WDFY2: variants seen among roughly 807,000 people sequenced by gnomAD.
WDFY2 encodes WD repeat and FYVE domain-containing protein 2.
A neutral mutation model predicts 56.4 loss-of-function variants in WDFY2; 36 were observed. The observed-to-expected ratio is 0.64, with a 90% confidence interval of 0.49 to 0.84. The LOEUF is 0.84. Ranked by LOEUF, WDFY2 falls within the 40% of genes least tolerant of loss-of-function variation. WDFY2 has a pLI of 0.00. For missense variants in WDFY2, 444 were observed against 512.2 expected (o/e 0.87, Z 1.29); for synonymous variants, 176 against 183.7 (o/e 0.96, Z 0.34).
chr13:51,628,119 C>T (rs920936284), intron 1 of WDFY2, among the ~76,000 whole-genome samples: 3 of 152,218 alleles, frequency 2.0e-5, no homozygotes, highest in African/African-American at 7.2e-5. Context: ...GCCCAGGAAC[C>T]TGTCTGCGTC....
chr13:51,652,101 A>G (rs992331475), intron 1 of WDFY2, among the ~76,000 whole-genome samples: 11 of 152,188 alleles, frequency 7.2e-5, no homozygotes, highest in African/African-American at 2.7e-4. Flanking sequence ...TATTGGGTGC[A>G]TATATATTTA....
At chr13:51,637,544 A>G (rs1434102595) in intron 1 of WDFY2, among the ~76,000 whole-genome samples, 2 of 152,084 alleles carry the variant, frequency 1.3e-5, no homozygotes, top group African/African-American at 4.8e-5. Flanking sequence ...GTGTTACAGG[A>G]AAGAGGTCCC....
At chr13:51,691,122 AAAATTTTCT>A (rs1956147224) in intron 3 of WDFY2, among the ~76,000 whole-genome samples, 2 of 152,002 alleles carry the variant, frequency 1.3e-5, no homozygotes, top group Admixed American at 1.3e-4. Context: ...GTAGGTTGCG[AAAATTTTCT>A]CCCATTTTGT....
intron 2 of WDFY2, among the ~76,000 whole-genome samples, chr13:51,667,291 C>G (rs906234911): frequency 1.2e-4 from 18 of 152,050 alleles, no homozygotes; most frequent in Admixed American, 1.0e-3. Context: ...AGGTAACAGA[C>G]AAGTTAAAAT....
At chr13:51,601,314 G>A (rs1445179483) in intron 1 of WDFY2, among the ~76,000 whole-genome samples, 5 of 151,964 alleles carry the variant, frequency 3.3e-5, no homozygotes, top group Admixed American at 1.3e-4. Context: ...TTAATACTAG[G>A]TTACTCTTTC....
intron 10 of WDFY2, chr13:51,756,737 TTC>T: frequency 1.4e-6 from 1 of 712,516 alleles, no homozygotes; most frequent in Non-Finnish European, 1.7e-6. Flanking sequence ...GAACAAACCC[TTC>T]TGTCTGCTCA....
chr13:51,706,277 G>A (rs1312733935), intron 4 of WDFY2, among the ~76,000 whole-genome samples: 1 of 152,136 alleles, frequency 6.6e-6, no homozygotes, highest in African/African-American at 2.4e-5. Flanking sequence ...AAATTTCTAT[G>A]AGCCAGAACC....
At chr13:51,673,615 C>G (rs936405110) in intron 2 of WDFY2, among the ~76,000 whole-genome samples, 1 of 151,920 alleles carries the variant, frequency 6.6e-6, no homozygotes, top group African/African-American at 2.4e-5. Flanking sequence ...TTTTTTTCAG[C>G]TAACAATTTT....
intron 1 of WDFY2, among the ~76,000 whole-genome samples, chr13:51,629,904 G>A (rs939122448): frequency 1.4e-5 from 2 of 147,270 alleles, no homozygotes; most frequent in African/African-American, 5.0e-5. Flanking sequence ...TGAAGCAGGA[G>A]GTATGAAACC....
At chr13:51,645,466 C>T (rs1408324784) in intron 1 of WDFY2, among the ~76,000 whole-genome samples, 4 of 152,102 alleles carry the variant, frequency 2.6e-5, no homozygotes, top group Non-Finnish European at 5.9e-5. Flanking sequence ...CATGGGTAGA[C>T]GCCCCGTCTT....
chr13:51,642,772 C>T (rs1955193690), intron 1 of WDFY2, among the ~76,000 whole-genome samples: 1 of 151,450 alleles, frequency 6.6e-6, no homozygotes, highest in Non-Finnish European at 1.5e-5. Context: ...CCTCCACCTC[C>T]CAGGTTCAAG....
intron 7 of WDFY2, among the ~76,000 whole-genome samples, chr13:51,750,440 A>G (rs995895838): frequency 1.3e-5 from 2 of 151,888 alleles, no homozygotes; most frequent in African/African-American, 2.4e-5. Context: ...ATAAATAGAA[A>G]CACAAAAAAA....
chr13:51,646,393 T>C lies in WDFY2; in HGVS notation c.138-14203T>C, dbSNP rs142410614. 6.2e-3 allele frequency among the ~76,000 whole-genome samples: 945 copies of C among 152,362 alleles called. 10 individuals carry two copies. Among genetic ancestry groups the C allele is most frequent in the African/African-American group, 0.019 (780 of 41,594 alleles). ...CACCATTATTTCTGAGAAGCTTTGT[T>C]TAACCCTGCCTGAGCCCGGGCTCTG... On this transcript the variant is annotated intron_variant, in intron 1 of 11. Transcript: ENST00000298125.
rs1011908318 is a variant in WDFY2 at position 51,663,023 on chromosome 13, G to A, written c.205+2360G>A. 4.6e-5 allele frequency among the ~76,000 whole-genome samples: 7 copies of A among 152,136 alleles called. No homozygotes were observed. The East Asian group carries it at 5.8e-4, about 13-fold the overall frequency. On this transcript the variant is annotated intron_variant, in intron 2 of 11. Coordinates refer to ENST00000298125, the MANE Select transcript of WDFY2 (RefSeq NM_052950.4). Reference sequence around the variant, plus strand: ...AACAAAATCCCTAGATAGGCTGGGCGGGTTAGATCATGTCTGTAATCCCAG... The same window carrying A: ...AACAAAATCCCTAGATAGGCTGGGCAGGTTAGATCATGTCTGTAATCCCAG...
chr13:51,720,523 A>G (rs1952463576), intron 5 of WDFY2, among the ~76,000 whole-genome samples: 1 of 152,258 alleles, frequency 6.6e-6, no homozygotes, highest in Admixed American at 6.5e-5. Context: ...GTTGAAATAC[A>G]TGAACTCTCT....
At chr13:51,736,957 C>A (rs1224753769) in intron 6 of WDFY2, among the ~76,000 whole-genome samples, 1 of 152,174 alleles carries the variant, frequency 6.6e-6, no homozygotes, top group Non-Finnish European at 1.5e-5. Flanking sequence ...GTAAGCCTTT[C>A]TAATCATTCT....
chr13:51,709,737 A>G (rs1952167181), intron 4 of WDFY2, among the ~76,000 whole-genome samples: 1 of 152,222 alleles, frequency 6.6e-6, no homozygotes, highest in East Asian at 1.9e-4. Flanking sequence ...TAAACTAGGA[A>G]GAAGTTGAAT....
At chr13:51,746,100 C>T (rs994303005) in intron 7 of WDFY2, among the ~76,000 whole-genome samples, 3 of 151,476 alleles carry the variant, frequency 2.0e-5, no homozygotes, top group South Asian at 4.2e-4. Context: ...CTCAGCCTCC[C>T]AAGTAGCTGG....
At chr13:51,689,794 C>T (rs910924476) in intron 3 of WDFY2, among the ~76,000 whole-genome samples, 1 of 152,182 alleles carries the variant, frequency 6.6e-6, no homozygotes, top group African/African-American at 2.4e-5. Flanking sequence ...TCTTTGAACT[C>T]TGTAGGCACA....
Sources: allele counts gnomAD v4.1 joint callset (sites outside exome capture counted in the v4.1 genomes callset), GRCh38; gene constraint gnomAD v4.1.1; transcripts MANE v1.5; gene names NCBI Gene and HGNC (gene_info 2026-07-23, HGNC 2026-07-21).